GPC5: variants seen among roughly 807,000 people sequenced by gnomAD.
GPC5 encodes the protein glypican 5.
GPC5 carries 47 observed loss-of-function variants against 53.9 expected under a neutral mutation model. The ratio of observed to expected loss-of-function variants is 0.87; its 90% CI spans 0.69 to 1.11. The LOEUF (loss-of-function observed/expected upper bound fraction) is 1.11. Ranked by LOEUF, GPC5 falls within the 50% of genes most tolerant of loss-of-function variation. The probability of loss-of-function intolerance (pLI) is 0.00; values close to 1 mark genes in which losing one functional copy is unlikely to be tolerated. For synonymous variants in GPC5, 286 were observed against 263.3 expected (o/e 1.09, Z -0.84); for missense variants, 748 against 713.1 (o/e 1.05, Z -0.56).
chr13:91,501,308 A>T (rs1446167970), intron 2 of GPC5, among the ~76,000 whole-genome samples: 10 of 146,674 alleles, frequency 6.8e-5, no homozygotes, highest in Non-Finnish European at 1.2e-4. Flanking sequence ...GGTTTGTTAC[A>T]CATGTATATA....
At chr13:92,472,267 C>T (rs1328516176) in intron 7 of GPC5, among the ~76,000 whole-genome samples, 1 of 152,098 alleles carries the variant, frequency 6.6e-6, no homozygotes, top group East Asian at 1.9e-4. Context: ...ATCCCCTTCT[C>T]TTTCCAGGAA....
intron 7 of GPC5, among the ~76,000 whole-genome samples, chr13:92,745,130 C>T (rs1262235013): frequency 6.6e-6 from 1 of 151,856 alleles, no homozygotes; most frequent in African/African-American, 2.4e-5. Flanking sequence ...CAAATTTTAG[C>T]CCAAAATTTC....
intron 6 of GPC5, among the ~76,000 whole-genome samples, chr13:91,951,094 T>C (rs186560882): frequency 3.7e-4 from 56 of 152,290 alleles, no homozygotes; most frequent in Middle Eastern, 3.4e-3. Flanking sequence ...TTGAGAGTGA[T>C]TGAATTATCT....
chr13:92,169,292 C>T (rs1452657123), intron 7 of GPC5, among the ~76,000 whole-genome samples: 1 of 152,174 alleles, frequency 6.6e-6, no homozygotes, highest in Non-Finnish European at 1.5e-5. Context: ...ACATGTTTAC[C>T]TATGTAACCA....
At chr13:91,477,888 T>C (rs1301644750) in intron 2 of GPC5, among the ~76,000 whole-genome samples, 2 of 152,190 alleles carry the variant, frequency 1.3e-5, no homozygotes. Context: ...GGTTATAAAA[T>C]AGAGACTGAG....
chr13:91,726,021 C>T (rs1315854699), intron 3 of GPC5, among the ~76,000 whole-genome samples: 6 of 152,156 alleles, frequency 3.9e-5, no homozygotes, highest in South Asian at 2.1e-4. Context: ...CAACTTAGAT[C>T]GTCTTCCTTG....
chr13:91,549,267 T>TAA (rs35941677), intron 2 of GPC5, among the ~76,000 whole-genome samples: 26,065 of 144,748 alleles, frequency 0.18, 2,582 homozygotes, highest in Middle Eastern at 0.24. Flanking sequence ...AAGATTCCAT[T>TAA]AAAAAAAAAA....
chr13:92,287,796 A>T (rs542743317), intron 7 of GPC5, among the ~76,000 whole-genome samples: 1 of 152,164 alleles, frequency 6.6e-6, no homozygotes, highest in Admixed American at 6.5e-5. Flanking sequence ...GTGTTGGTTC[A>T]TGTCTTCCAT....
chr13:92,738,154 A>G (rs1369114400), intron 7 of GPC5, among the ~76,000 whole-genome samples: 1 of 152,054 alleles, frequency 6.6e-6, no homozygotes, highest in African/African-American at 2.4e-5. Context: ...AAGATTCACT[A>G]CAACCATACT....
At chr13:92,498,706 G>T (rs1258173062) in intron 7 of GPC5, among the ~76,000 whole-genome samples, 1 of 152,106 alleles carries the variant, frequency 6.6e-6, no homozygotes, top group Admixed American at 6.5e-5. Context: ...ACCTTTTACA[G>T]TTAGACAATC....
At chr13:92,607,148 G>A (rs1367917693) in intron 7 of GPC5, among the ~76,000 whole-genome samples, 3 of 152,242 alleles carry the variant, frequency 2.0e-5, no homozygotes, top group Admixed American at 2.0e-4. Flanking sequence ...AATAGTTTGA[G>A]CAAGACCACA....
At chr13:92,551,104 AT>A (rs1270766027) in intron 7 of GPC5, among the ~76,000 whole-genome samples, 18 of 152,012 alleles carry the variant, frequency 1.2e-4, no homozygotes, top group African/African-American at 4.3e-4. Flanking sequence ...ATTCATAGTT[AT>A]GTTCCAAGGA....
At chr13:92,418,258 T>C (rs559940602) in intron 7 of GPC5, among the ~76,000 whole-genome samples, 2 of 152,316 alleles carry the variant, frequency 1.3e-5, no homozygotes, top group African/African-American at 4.8e-5. Flanking sequence ...GCACAACTTT[T>C]TGAGTCCACT....
intron 7 of GPC5, among the ~76,000 whole-genome samples, chr13:92,675,243 A>C (rs867796726): frequency 6.6e-6 from 1 of 152,152 alleles, no homozygotes; most frequent in South Asian, 2.1e-4. Flanking sequence ...CCAAAGTTGT[A>C]TATTTAAAAG....
intron 7 of GPC5, among the ~76,000 whole-genome samples, chr13:92,785,407 T>C (rs893979059): frequency 3.3e-5 from 5 of 152,216 alleles, no homozygotes; most frequent in African/African-American, 1.2e-4. Flanking sequence ...AGGCATGTCT[T>C]GTGTTGGAGG....
chr13:92,264,870 CTCTCTCTCTGTG>C (rs2042790942), intron 7 of GPC5, among the ~76,000 whole-genome samples: 1 of 118,292 alleles, frequency 8.5e-6, no homozygotes, highest in Non-Finnish European at 1.7e-5. Context: ...CTCTCTCTCT[CTCTCTCTCTGTG>C]TGTGTGTGTG....
At chr13:92,404,814 T>A (rs577677666) in intron 7 of GPC5, among the ~76,000 whole-genome samples, 1 of 149,966 alleles carries the variant, frequency 6.7e-6, no homozygotes, top group Non-Finnish European at 1.5e-5. Flanking sequence ...TAGGGATAAA[T>A]ATATTACCCC....
chr13:92,464,590 T>C (rs1448760243), intron 7 of GPC5, among the ~76,000 whole-genome samples: 1 of 152,114 alleles, frequency 6.6e-6, no homozygotes, highest in Admixed American at 6.6e-5. Flanking sequence ...GATGGGTTCA[T>C]AGTTAAGAAT....
intron 7 of GPC5, among the ~76,000 whole-genome samples, chr13:92,480,582 T>G (rs528945534): frequency 6.6e-6 from 1 of 152,180 alleles, no homozygotes; most frequent in Non-Finnish European, 1.5e-5. Context: ...TTTGGAATGG[T>G]CTTTCTCTCA....
Sources: allele counts gnomAD v4.1 joint callset (sites outside exome capture counted in the v4.1 genomes callset), GRCh38; gene constraint gnomAD v4.1.1; transcripts MANE v1.5; gene names NCBI Gene and HGNC (gene_info 2026-07-23, HGNC 2026-07-21).